ZNF75A: variants seen among roughly 807,000 people sequenced by gnomAD.
The protein encoded by ZNF75A is zinc finger protein 75A.
ZNF75A carries 36 observed loss-of-function variants against 46.3 expected under a neutral mutation model. That is an observed-to-expected ratio of 0.78 (90% confidence interval 0.60 to 1.03). The LOEUF is 1.03. ZNF75A is among the 50% of genes least tolerant of loss of function. The pLI, the probability that ZNF75A is intolerant of heterozygous loss-of-function variation, is 0.00. For synonymous variants in ZNF75A, 234 were observed against 189.9 expected (o/e 1.23, Z -1.91); for missense variants, 595 against 551.3 (o/e 1.08, Z -0.79).
At position 3,317,570 on chromosome 16, in the gene ZNF75A, T is replaced by A. The variant is rs2150831163; in HGVS notation, c.1315T>A (p.Phe439Ile). Residue 439 changes from phenylalanine (F) to isoleucine (I), a missense_variant, in exon 7 of 7, where the codon TTT becomes ATT. Physicochemically the swap from Phe to Ile is conservative, Grantham distance 21 (BLOSUM62 0). Transcript: ENST00000669516. ...TAAATGTCAACAGTGTGATAAGAGG[T>A]TTAGATGGAGTTCAGATCTTAATAA... ...PYKCQQCDKRFRWSSDLNKHL... is the reference protein window; with the variant it reads ...PYKCQQCDKRIRWSSDLNKHL... The A allele has an allele frequency of 1.9e-6, 3 of 1,613,940 alleles. No individual in the cohort carries two copies. In the East Asian group the frequency reaches 6.7e-5, roughly 36 times the overall value.
At chr16:3,308,946 G>GTT (rs111362747) in intron 2 of ZNF75A, 110 bp downstream of exon 2, 391 of 630,076 alleles carry the variant, frequency 6.2e-4, no homozygotes, top group African/African-American at 2.1e-3. Flanking sequence ...TCATTGTTTG[G>GTT]TTTTTTTTTT....
chr16:3,318,491 T>C lies in ZNF75A; in HGVS notation c.*622T>C. The C allele has an allele frequency of 2.0e-6, 2 of 985,366 alleles. No homozygotes were observed. The highest frequency in any genetic ancestry group is 2.4e-6 in the Non-Finnish European group (2 of 829,922). 61.0% of individuals were successfully genotyped at this position (985,366 alleles called of 1,614,324 possible). ...ATAGAAGACATCTCTAATGGAATCA[T>C]GGGGGAAACGGGTTGGAATTTGTAG... is the stretch of plus-strand genomic sequence containing the variant. On this transcript the variant is annotated 3_prime_UTR_variant, in exon 7 of 7. Transcript: ENST00000669516.
rs976875571 is a variant in ZNF75A, at chr16:3,318,125, A to G, written c.*256A>G. 2 of 1,218,954 alleles carry G rather than the reference A, an allele frequency of 1.6e-6. No homozygotes were observed. The allele number at this position is 1,218,954 out of a possible 1,614,324, so 75.5% of individuals were successfully genotyped here. A position where few individuals can be genotyped will look rare whatever the true frequency, so the allele number is the denominator to read the frequency against. On this transcript the variant is annotated 3_prime_UTR_variant, in exon 7 of 7. Transcript: ENST00000669516. ...GAACACATCCAATAGAAACATTGGC[A>G]GCATGGTCTTCCAAAACAAAAAGCA...
At chr16:3,310,927 G>C in intron 2 of ZNF75A, 2 of 985,362 alleles carry the variant, frequency 2.0e-6, no homozygotes, top group South Asian at 9.4e-5. Flanking sequence ...ACCTATGTTT[G>C]GTGTCAGAAT....
In ZNF75A at chr16:3,308,896, A is replaced by G. The variant is rs1027790735; in HGVS notation, c.408+60A>G. On this transcript the variant is annotated intron_variant, in intron 2 of 6. Transcript: ENST00000669516. ...TAGGATGCAGGTGGATATAGTAGAG[A>G]TGGTGGCAGTTAGTTGAGAAATTAG... is the stretch of plus-strand genomic sequence containing the variant. 8.3e-6 allele frequency: 8 copies of G among 958,856 alleles called. No individual in the cohort carries two copies. The African/African-American group carries it at 1.2e-4, about 15-fold the overall frequency. 59.4% of individuals were successfully genotyped at this position (958,856 alleles called of 1,614,324 possible). A position where few individuals can be genotyped will look rare whatever the true frequency, so the allele number is the denominator to read the frequency against.
Position 3,313,159 on chromosome 16 carries a change from G to A in ZNF75A, c.807G>A (p.Glu269=). 1 of 1,614,066 alleles carries A rather than the reference G, an allele frequency of 6.2e-7. No individual in the cohort carries two copies. Among genetic ancestry groups the A allele is most frequent in the South Asian group, 1.1e-5 (1 of 91,068 alleles). ...LYNDVMQENY[E]TVISLALFVL... ...ATGATGTAATGCAGGAAAACTATGA[G>A]ACTGTCATCTCTCTAGGTAAAGATT... The change falls in exon 5 of 7, where the codon GAG becomes GAA. Residue 269 remains glutamate (E), a synonymous_variant. Coordinates refer to ENST00000669516, the MANE Select transcript of ZNF75A (RefSeq NM_001302109.2).
intron 1 of ZNF75A, chr16:3,306,987 TGC>T (rs1193777372): frequency 6.6e-6 from 1 of 152,106 alleles, no homozygotes; most frequent in Admixed American, 6.5e-5. Context: ...AATCTCGTTT[TGC>T]TGCCCTGGCT....
Position 3,308,412 on chromosome 16 carries a change from G to T in ZNF75A, c.-17G>T, listed in dbSNP as rs1457635060. On this transcript the variant is annotated 5_prime_UTR_variant, in exon 2 of 7. Transcript: ENST00000669516. Reference sequence around the variant, plus strand: ...AATTGGGTGTCTTAACACAGGAGCAGAACTTCCTAGAGCAGAATGATGATG... The same window carrying T: ...AATTGGGTGTCTTAACACAGGAGCATAACTTCCTAGAGCAGAATGATGATG... 1 of 985,722 alleles carries T rather than the reference G, an allele frequency of 1.0e-6. No homozygotes were observed. The highest frequency in any genetic ancestry group is 1.2e-6 in the Non-Finnish European group (1 of 829,928). The allele number at this position is 985,722 out of a possible 1,614,324, so 61.1% of individuals were successfully genotyped here.
At chr16:3,313,930 G>C (rs1961001092) in intron 5 of ZNF75A, among the ~76,000 whole-genome samples, 1 of 152,072 alleles carries the variant, frequency 6.6e-6, no homozygotes, top group Non-Finnish European at 1.5e-5. Context: ...AATTGAATTT[G>C]TCAAGTTCAT....
chr16:3,323,085 G>T (rs1213204422), downstream of ZNF75A: 3 of 517,004 alleles, frequency 5.8e-6, no homozygotes, highest in Middle Eastern at 6.3e-4. Flanking sequence ...GATAAAGCAG[G>T]AAATAGTCTT....
At chr16:3,315,590 A>G (rs987140790) in intron 5 of ZNF75A, among the ~76,000 whole-genome samples, 5 of 152,156 alleles carry the variant, frequency 3.3e-5, no homozygotes, top group African/African-American at 1.2e-4. Context: ...CCTGACTGCA[A>G]CCATGTTTCA....
At chr16:3,315,894 C>T (rs866777215) in intron 5 of ZNF75A, 1 of 152,256 alleles carries the variant, frequency 6.6e-6, no homozygotes, top group Non-Finnish European at 1.5e-5. Flanking sequence ...TGTCCTGCTA[C>T]TGGTGCGCTT....
At chr16:3,322,831 C>T (rs771638490), downstream of ZNF75A, 5 of 844,452 alleles carry the variant, frequency 5.9e-6, no homozygotes, top group Non-Finnish European at 7.1e-6. Flanking sequence ...CAATTATGTC[C>T]CTGGGCTTGG....
chr16:3,320,877 C>G (rs1200981335), downstream of ZNF75A, among the ~76,000 whole-genome samples: 1 of 152,186 alleles, frequency 6.6e-6, no homozygotes, highest in Non-Finnish European at 1.5e-5. Flanking sequence ...TGGCTATCTT[C>G]CTGGACTAAG....
chr16:3,317,664 A>T lies in ZNF75A; in HGVS notation c.1409A>T (p.Asn470Ile). The T allele has an allele frequency of 6.2e-7, 1 of 1,614,148 alleles. No individual in the cohort carries two copies. Among genetic ancestry groups the T allele is most frequent in the South Asian group, 1.1e-5 (1 of 91,080 alleles). The change falls in exon 7 of 7, where the codon AAT (asparagine) becomes ATT (isoleucine). Residue 470 changes from asparagine to isoleucine, a missense_variant. Asn to Ile is a moderately radical substitution (Grantham distance 149). Coordinates refer to ENST00000669516, the MANE Select transcript of ZNF75A (RefSeq NM_001302109.2). ...TGGTGTGGGAAAAGCTTCAGTCAAA[A>T]TACAAATTTACATACACACCAAAGA... is the stretch of plus-strand genomic sequence containing the variant. ...CSWCGKSFSQ[N>I]TNLHTHQRTH...
chr16:3,321,450 G>T (rs562624985), downstream of ZNF75A, among the ~76,000 whole-genome samples: 2 of 152,098 alleles, frequency 1.3e-5, no homozygotes, highest in Admixed American at 6.5e-5. Flanking sequence ...TCTCCCTGCC[G>T]TTAAGCAGAC....
In ZNF75A at chr16:3,305,535, G is replaced by C. The variant is rs1228862973; in HGVS notation, c.-225G>C. ...ACCTGGACAGGGCTGCGGTAGGCCA[G>C]CGGTGGGCTGGCGGTTGCGCTCCTC... On this transcript the variant is annotated 5_prime_UTR_variant, in exon 1 of 7. Coordinates refer to ENST00000669516, the MANE Select transcript of ZNF75A (RefSeq NM_001302109.2). 1 of 152,338 alleles carries C rather than the reference G, an allele frequency of 6.6e-6. No individual in the cohort carries two copies. Among genetic ancestry groups the C allele is most frequent in the Admixed American group, 6.5e-5 (1 of 15,292 alleles). 9.4% of individuals were successfully genotyped at this position (152,338 alleles called of 1,614,324 possible).
At chr16:3,310,044 T>C (rs781441779) in intron 2 of ZNF75A, among the ~76,000 whole-genome samples, 42 of 151,728 alleles carry the variant, frequency 2.8e-4, no homozygotes, top group Non-Finnish European at 5.7e-4. Context: ...CAGTGAGTTA[T>C]TATTGCAGCA....
intron 3 of ZNF75A, 128 bp from the exon 4 acceptor site, chr16:3,312,549 G>A (rs1960888644): frequency 5.6e-6 from 1 of 177,024 alleles, no homozygotes; most frequent in South Asian, 1.9e-4. Context: ...GACTGCTTCA[G>A]GCATCACACA....
Sources: allele counts gnomAD v4.1 joint callset (sites outside exome capture counted in the v4.1 genomes callset), GRCh38; gene constraint gnomAD v4.1.1; transcripts MANE v1.5; gene names NCBI Gene and HGNC (gene_info 2026-07-23, HGNC 2026-07-21).